SSBP3: variants seen among roughly 807,000 people sequenced by gnomAD.
The protein encoded by SSBP3 is single stranded DNA binding protein 3, also known as single-stranded DNA-binding protein 3.
Under a neutral mutation model 69.6 loss-of-function variants are expected in SSBP3, and 5 were observed. The ratio of observed to expected loss-of-function variants is 0.07; its 90% CI spans 0.04 to 0.15. SSBP3 has a LOEUF of 0.15. Among genes scored for constraint, SSBP3 ranks in the 10% least tolerant of loss-of-function variants. The pLI is 1.00. For missense variants in SSBP3, 312 were observed against 534.0 expected, an observed-to-expected ratio of 0.58 and a Z score of 4.10; for synonymous variants, 196 against 193.4, an observed-to-expected ratio of 1.01 and a Z score of -0.11.
chr1:54,404,510 T>G lies in SSBP3; in HGVS notation c.191+66A>C, dbSNP rs1395820249. On this transcript the variant is annotated intron_variant, in intron 3 of 17. Coordinates refer to ENST00000610401, the Ensembl canonical transcript of SSBP3. ...AGGGCCTGCTCCAAGCCTCCCTTCT[T>G]TGTTCACTTGGACCCAGGGCTCACA... 1.9e-6 allele frequency: 3 copies of G among 1,587,508 alleles called. No homozygotes were observed. The African/African-American group carries it at 4.0e-5, about 21-fold the overall frequency.
rs957503785 is a variant in SSBP3, at chr1:54,225,613, A to G, written c.*1518T>C. The G allele has an allele frequency of 7.7e-6, 3 of 391,764 alleles. No individual in the cohort carries two copies. The East Asian group carries it at 1.2e-4, about 16-fold the overall frequency. 24.3% of individuals were successfully genotyped at this position (391,764 alleles called of 1,614,324 possible). A position where few individuals can be genotyped will look rare whatever the true frequency, so the allele number is the denominator to read the frequency against. ...CACAAAGTCTTTTTTCAGGCAGATG[A>G]TATCTCACATAATATGATATACATG... On this transcript the variant is annotated 3_prime_UTR_variant, in exon 18 of 18. Coordinates refer to ENST00000610401, the Ensembl canonical transcript of SSBP3.
chr1:54,327,360 C>T (rs978366944), intron 4 of SSBP3, among the ~76,000 whole-genome samples: 7 of 152,078 alleles, frequency 4.6e-5, no homozygotes, highest in African/African-American at 1.7e-4. Context: ...TTTTCCATCA[C>T]GTTCCTTTCA....
At chr1:54,316,200 G>A (rs1034584560) in intron 4 of SSBP3, among the ~76,000 whole-genome samples, 9 of 151,844 alleles carry the variant, frequency 5.9e-5, no homozygotes, top group African/African-American at 1.5e-4. Context: ...CAAAAAATCA[G>A]CTGGGTGTGG....
At chr1:54,225,586 C>T (rs1198332422) in exon 18 of SSBP3, 2 of 442,638 alleles carry the variant, frequency 4.5e-6, no homozygotes, top group African/African-American at 2.0e-5. Flanking sequence ...CCCAATAATC[C>T]GCACAAAGTC....
chr1:54,369,841 C>T (rs1258061337), intron 4 of SSBP3, among the ~76,000 whole-genome samples: 1 of 148,280 alleles, frequency 6.7e-6, no homozygotes, highest in Non-Finnish European at 1.5e-5. Flanking sequence ...AAGATTAGTA[C>T]CCTCGACGGT....
chr1:54,271,465 T>C (rs1185045867), intron 5 of SSBP3, among the ~76,000 whole-genome samples: 1 of 152,164 alleles, frequency 6.6e-6, no homozygotes, highest in Non-Finnish European at 1.5e-5. Flanking sequence ...AAGGACACGG[T>C]AGGATTTGCT....
rs879180284 is a variant in SSBP3 at position 54,258,993 on chromosome 1, C to G, written c.367-844G>C. Among the ~76,000 whole-genome samples, 2 of 152,156 alleles carry G rather than the reference C, an allele frequency of 1.3e-5. No homozygotes were observed. The highest frequency in any genetic ancestry group is 1.3e-4 in the Admixed American group (2 of 15,284). ...AGCCCCATGGGTCCAAGGCCCATCT[C>G]CAGCCCTGAAACCCAAGAGTTCCGG... On this transcript the variant is annotated intron_variant, in intron 5 of 17. Transcript: ENST00000610401. The surrounding 1 kb of genome is among the most constrained non-coding windows in gnomAD (Gnocchi z 4.5).
At chr1:54,328,610 G>T (rs892942542) in intron 4 of SSBP3, among the ~76,000 whole-genome samples, 9 of 152,148 alleles carry the variant, frequency 5.9e-5, no homozygotes, top group African/African-American at 2.2e-4. Context: ...ACAGTGTTTT[G>T]ACATCTTCAC....
At chr1:54,369,371 T>C (rs1315984536) in intron 4 of SSBP3, among the ~76,000 whole-genome samples, 7 of 151,176 alleles carry the variant, frequency 4.6e-5, no homozygotes, top group African/African-American at 2.4e-5. Context: ...AGGGTGACCA[T>C]TGCTGGGGGA....
At chr1:54,406,612 G>A (rs1455494694), upstream of SSBP3, among the ~76,000 whole-genome samples, 2 of 152,040 alleles carry the variant, frequency 1.3e-5, no homozygotes, top group Middle Eastern at 3.4e-3. Flanking sequence ...GCGTCCGGGG[G>A]CGCGAGCCTC....
chr1:54,373,033 G>T (rs1160503966), intron 4 of SSBP3, among the ~76,000 whole-genome samples: 1 of 152,234 alleles, frequency 6.6e-6, no homozygotes, highest in Non-Finnish European at 1.5e-5. Flanking sequence ...ATGATGAAGA[G>T]CAAACCAACG....
At chr1:54,316,502 G>A (rs1183356047) in intron 4 of SSBP3, among the ~76,000 whole-genome samples, 3 of 147,056 alleles carry the variant, frequency 2.0e-5, no homozygotes, top group South Asian at 2.2e-4. Context: ...TTAGCCGGGC[G>A]CGGTGGCGGG....
At chr1:54,273,510 C>T (rs1238981356) in intron 5 of SSBP3, among the ~76,000 whole-genome samples, 4 of 152,250 alleles carry the variant, frequency 2.6e-5, no homozygotes, top group Non-Finnish European at 5.9e-5. Context: ...AGACGTCAGG[C>T]ACCAGGCTGG....
At chr1:54,407,538 A>C (rs926878009), upstream of SSBP3, among the ~76,000 whole-genome samples, 1 of 152,058 alleles carries the variant, frequency 6.6e-6, no homozygotes, top group Non-Finnish European at 1.5e-5. Context: ...CGTGCCCCTC[A>C]TTAGGGACTC....
chr1:54,322,291 G>A (rs577202924), intron 4 of SSBP3, among the ~76,000 whole-genome samples: 57 of 152,290 alleles, frequency 3.7e-4, no homozygotes, highest in African/African-American at 1.2e-3. Flanking sequence ...GAGATTCATC[G>A]CAGCACTGCT....
chr1:54,278,547 T>G (rs909881593), intron 5 of SSBP3, among the ~76,000 whole-genome samples: 1 of 152,206 alleles, frequency 6.6e-6, no homozygotes, highest in Non-Finnish European at 1.5e-5. Flanking sequence ...GTCAGAGGCC[T>G]GCAGAAGCAA....
At chr1:54,230,101 A>G (rs1644356208) in intron 14 of SSBP3, among the ~76,000 whole-genome samples, 1 of 152,188 alleles carries the variant, frequency 6.6e-6, no homozygotes, top group South Asian at 2.1e-4. Flanking sequence ...GGCGTGCCAG[A>G]GCACAGAAAG....
chr1:54,308,836 CA>C (rs1286187796), intron 4 of SSBP3, among the ~76,000 whole-genome samples: 4 of 151,552 alleles, frequency 2.6e-5, no homozygotes, highest in Admixed American at 2.6e-4. Flanking sequence ...GAGATTTTTC[CA>C]AGGTTAGCTC....
At chr1:54,336,388 T>G (rs1646508056) in intron 4 of SSBP3, among the ~76,000 whole-genome samples, 1 of 151,520 alleles carries the variant, frequency 6.6e-6, no homozygotes, top group South Asian at 2.1e-4. Context: ...CCTCCTTTTC[T>G]CCTTCCCTCA....
Sources: gnomAD v4.1 joint callset for allele counts (sites outside exome capture counted in the v4.1 genomes callset) on GRCh38, gnomAD v4.1.1 for gene constraint, Gnocchi (gnomAD v3.1) non-coding constraint, MANE v1.5 for transcripts, NCBI Gene and HGNC (gene_info 2026-07-23, HGNC 2026-07-21) for gene names.